The following TMOD3 variants were observed in gnomAD, a reference collection of about 807,000 sequenced individuals.
TMOD3 encodes the protein tropomodulin 3.
TMOD3 carries 20 observed loss-of-function variants against 39.2 expected under a neutral mutation model. The ratio of observed to expected loss-of-function variants is 0.51; its 90% CI spans 0.36 to 0.74. The LOEUF is 0.74. TMOD3 is among the 30% of genes least tolerant of loss of function. The pLI, the probability that TMOD3 is intolerant of heterozygous loss-of-function variation, is 0.00. For missense variants in TMOD3, 381 were observed against 412.8 expected, an observed-to-expected ratio of 0.92 and a Z score of 0.67; for synonymous variants, 143 against 145.8, an observed-to-expected ratio of 0.98 and a Z score of 0.14.
intron 3 of TMOD3, among the ~76,000 whole-genome samples, chr15:51,878,684 G>A (rs1433526279): frequency 1.3e-5 from 2 of 152,176 alleles, no homozygotes; most frequent in Admixed American, 6.5e-5. Context: ...CAGGTGTTGT[G>A]TGTATCATTG....
intron 3 of TMOD3, among the ~76,000 whole-genome samples, chr15:51,876,341 A>T (rs1157109416): frequency 1.3e-5 from 2 of 151,914 alleles, no homozygotes; most frequent in Admixed American, 6.6e-5. Flanking sequence ...GCTAATTTTT[A>T]AAATTCTTTT....
At chr15:51,893,791 T>C in intron 5 of TMOD3, 24 bp from the exon 6 acceptor site, 1 of 1,485,016 alleles carries the variant, frequency 6.7e-7, no homozygotes, top group Non-Finnish European at 9.0e-7. Context: ...TATCAAATCC[T>C]GCTCTTTTCA....
intron 1 of TMOD3, among the ~76,000 whole-genome samples, chr15:51,852,319 A>G (rs2056366477): frequency 6.6e-6 from 1 of 152,204 alleles, no homozygotes; most frequent in African/African-American, 2.4e-5. Flanking sequence ...AGGAAAAGAC[A>G]GCATAACAGT....
chr15:51,869,178 T>G (rs1326230876), intron 2 of TMOD3, 39 bp from the exon 3 acceptor site: 4 of 1,600,892 alleles, frequency 2.5e-6, no homozygotes, highest in Non-Finnish European at 3.4e-6. Flanking sequence ...GCATTAGCAT[T>G]CTTATTGGTC....
chr15:51,851,320 CA>C (rs1163003083), intron 1 of TMOD3, among the ~76,000 whole-genome samples: 1 of 152,118 alleles, frequency 6.6e-6, no homozygotes, highest in Non-Finnish European at 1.5e-5. Context: ...AAATAAGAAA[CA>C]GCAATTGTGT....
intron 3 of TMOD3, among the ~76,000 whole-genome samples, chr15:51,882,488 G>T (rs1368018158): frequency 6.6e-6 from 1 of 152,092 alleles, no homozygotes; most frequent in Non-Finnish European, 1.5e-5. Flanking sequence ...GACCGAGTGA[G>T]AGACTGTCTC....
chr15:51,877,541 G>T (rs897496645), intron 3 of TMOD3, among the ~76,000 whole-genome samples: 25 of 152,108 alleles, frequency 1.6e-4, no homozygotes, highest in Non-Finnish European at 3.4e-4. Context: ...TTAGCTGGGT[G>T]TGGTGGCGGG....
intron 9 of TMOD3, among the ~76,000 whole-genome samples, chr15:51,908,044 C>T (rs1290947067): frequency 6.6e-6 from 1 of 152,052 alleles, no homozygotes; most frequent in Non-Finnish European, 1.5e-5. Context: ...TTACAGGAGA[C>T]AAAAGAAGGA....
chr15:51,886,628 C>T (rs190572059), intron 3 of TMOD3, among the ~76,000 whole-genome samples: 30 of 152,196 alleles, frequency 2.0e-4, no homozygotes, highest in African/African-American at 6.5e-4. Flanking sequence ...ACAGTCCAGC[C>T]TCGGCTGGGC....
intron 3 of TMOD3, among the ~76,000 whole-genome samples, chr15:51,874,174 A>C (rs567213996): frequency 1.7e-4 from 26 of 152,164 alleles, no homozygotes; most frequent in African/African-American, 6.0e-4. Context: ...TTCATGCCAA[A>C]TTTTATTTTC....
rs1266096755 is a variant in TMOD3, at chr15:51,884,937, G to A, written c.284-2652G>A. Reference sequence around the variant, plus strand: ...CTTATTGCTTTAAGAGTGGTCTGTGGATCAGCATCATCTGGAAGTCTGGTT... The same window carrying A: ...CTTATTGCTTTAAGAGTGGTCTGTGAATCAGCATCATCTGGAAGTCTGGTT... On this transcript the variant is annotated intron_variant, in intron 3 of 9. Coordinates refer to ENST00000308580, the MANE Select transcript of TMOD3 (RefSeq NM_014547.5). 3.3e-5 allele frequency among the ~76,000 whole-genome samples: 5 copies of A among 152,196 alleles called. No homozygotes were observed. The East Asian group carries it at 7.7e-4, about 23-fold the overall frequency.
At chr15:51,903,728 A>G (rs2056664256) in intron 9 of TMOD3, among the ~76,000 whole-genome samples, 2 of 152,212 alleles carry the variant, frequency 1.3e-5, no homozygotes, top group South Asian at 4.1e-4. Context: ...GGCTTCTTAG[A>G]GTAGCGTTTT....
intron 4 of TMOD3, 131 bp downstream of exon 4, chr15:51,887,842 G>T: frequency 8.5e-7 from 1 of 1,175,960 alleles, no homozygotes; most frequent in Non-Finnish European, 1.2e-6. Flanking sequence ...CCACATATTT[G>T]GCTTTATATT....
chr15:51,846,897 A>G (rs1375231602), intron 1 of TMOD3, among the ~76,000 whole-genome samples: 5 of 152,216 alleles, frequency 3.3e-5, no homozygotes, highest in African/African-American at 9.6e-5. Context: ...TTAAAAACTG[A>G]AAAACATTTG....
At chr15:51,841,879 C>G (rs550448889) in intron 1 of TMOD3, among the ~76,000 whole-genome samples, 1 of 152,304 alleles carries the variant, frequency 6.6e-6, no homozygotes, top group Non-Finnish European at 1.5e-5. Flanking sequence ...AAGCGATTCT[C>G]CTACCCCAGC....
chr15:51,897,926 G>C (rs1382302834), intron 7 of TMOD3, among the ~76,000 whole-genome samples: 2 of 151,644 alleles, frequency 1.3e-5, no homozygotes, highest in Non-Finnish European at 2.9e-5. Context: ...CTTGACCCAA[G>C]CCACCATCTT....
chr15:51,887,889 C>T (rs1441043439), intron 4 of TMOD3, among the ~76,000 whole-genome samples, 178 bp downstream of exon 4: 1 of 152,194 alleles, frequency 6.6e-6, no homozygotes, highest in Non-Finnish European at 1.5e-5. Context: ...TTTCATTTCT[C>T]TAAATACTCT....
chr15:51,890,376 G>A lies in TMOD3; in HGVS notation c.496+1231G>A, dbSNP rs541749258. 4.1e-5 allele frequency among the ~76,000 whole-genome samples: 6 copies of A among 146,138 alleles called. No individual in the cohort carries two copies. The South Asian group carries it at 1.1e-3, about 26-fold the overall frequency. On this transcript the variant is annotated intron_variant, in intron 5 of 9. Transcript: ENST00000308580. ...TTTTTTAGTAGAGATGGGGTTTTGC[G>A]ATGTTGGCCAGGCTGGTCTCGAACT...
chr15:51,893,205 G>A (rs1031223744), intron 5 of TMOD3, among the ~76,000 whole-genome samples: 1 of 141,162 alleles, frequency 7.1e-6, no homozygotes, highest in Non-Finnish European at 1.5e-5. Flanking sequence ...TGAGGCAGGA[G>A]AGTTGCTTGA....
Sources: allele counts gnomAD v4.1 joint callset (sites outside exome capture counted in the v4.1 genomes callset), GRCh38; gene constraint gnomAD v4.1.1; transcripts MANE v1.5; gene names NCBI Gene and HGNC (gene_info 2026-07-23, HGNC 2026-07-21).